The following OGFOD3 variants were observed in gnomAD, a reference collection of about 807,000 sequenced individuals.
The protein encoded by OGFOD3 is 2-oxoglutarate and iron-dependent oxygenase domain-containing protein 3.
Under a neutral mutation model 39.8 loss-of-function variants are expected in OGFOD3, and 35 were observed. The observed-to-expected ratio is 0.88, with a 90% CI of 0.67 to 1.17. OGFOD3 has a LOEUF of 1.17. Ranked by LOEUF, OGFOD3 falls within the 50% of genes most tolerant of loss-of-function variation. The pLI, the probability that OGFOD3 is intolerant of heterozygous loss-of-function variation, is 0.00. For synonymous variants in OGFOD3, 200 were observed against 192.0 expected (o/e 1.04, Z -0.34); for missense variants, 438 against 454.5 (o/e 0.96, Z 0.33).
At chr17:82,416,179 T>A (rs2053031361) in intron 1 of OGFOD3, among the ~76,000 whole-genome samples, 1 of 152,182 alleles carries the variant, frequency 6.6e-6, no homozygotes, top group Admixed American at 6.5e-5. Flanking sequence ...GAGGTTGCAG[T>A]GACCCAAGAT....
At chr17:82,412,700 C>T (rs1380837014) in intron 2 of OGFOD3, among the ~76,000 whole-genome samples, 3 of 152,090 alleles carry the variant, frequency 2.0e-5, no homozygotes, top group East Asian at 1.9e-4. Context: ...CGGAGAGGGG[C>T]CCAGGGACCC....
At chr17:82,403,828 TC>T in intron 7 of OGFOD3, 108 bp downstream of exon 7, 1 of 1,455,166 alleles carries the variant, frequency 6.9e-7, no homozygotes, top group Non-Finnish European at 9.3e-7. Context: ...ACGGGCACGC[TC>T]ACCTTGTCCA....
At chr17:82,410,211 G>A (rs376128104) in intron 3 of OGFOD3, among the ~76,000 whole-genome samples, 44 of 152,298 alleles carry the variant, frequency 2.9e-4, no homozygotes, top group African/African-American at 9.1e-4. Context: ...GGGACACGCC[G>A]GTGCCTCAGT....
At chr17:82,403,506 C>G (rs955159156) in intron 7 of OGFOD3, among the ~76,000 whole-genome samples, 1 of 152,160 alleles carries the variant, frequency 6.6e-6, no homozygotes, top group Admixed American at 6.5e-5. Flanking sequence ...GTGGGGCATG[C>G]CTGTAGTCCC....
At chr17:82,416,328 A>C (rs528555487) in intron 1 of OGFOD3, among the ~76,000 whole-genome samples, 1 of 152,374 alleles carries the variant, frequency 6.6e-6, no homozygotes, top group South Asian at 2.1e-4. Flanking sequence ...TTTGCTTAGC[A>C]AAATGGGACA....
intron 4 of OGFOD3, among the ~76,000 whole-genome samples, chr17:82,407,880 C>T (rs976780539): frequency 2.0e-5 from 3 of 152,196 alleles, no homozygotes; most frequent in African/African-American, 7.2e-5. Flanking sequence ...CGGTGGTTCA[C>T]ACCTGTAATC....
Position 82,392,425 on chromosome 17 carries a change from A to G in OGFOD3, c.933T>C (p.His311=). 1.9e-6 allele frequency: 3 copies of G among 1,612,520 alleles called. No homozygotes were observed. Among genetic ancestry groups the G allele is most frequent in the Middle Eastern group, 1.8e-4 (1 of 5,704 alleles). The change falls in exon 9 of 9, where the codon CAT becomes CAC. Residue 311 remains histidine (H), a synonymous_variant. Transcript: ENST00000313056. This position sits in a 1 kb window ranked among gnomAD's most constrained non-coding sequence, Gnocchi z 4.2. The stretch of plus-strand genomic sequence containing the variant: ...ACGGGAACGCTGGGTCCTCGATGCC[A>G]TGGTCGGGGTTGCAGCTGAAGGCGA... The part of the protein sequence containing the change: ...ITIAFSCNPD[H]GIEDPAFP
chr17:82,409,042 C>T (rs957634433), intron 4 of OGFOD3, among the ~76,000 whole-genome samples: 22 of 152,212 alleles, frequency 1.4e-4, no homozygotes, highest in Admixed American at 4.6e-4. Flanking sequence ...GCCGTCTCCT[C>T]GCTGGGCTCC....
intron 8 of OGFOD3, among the ~76,000 whole-genome samples, chr17:82,395,193 G>A (rs1410456464): frequency 1.3e-5 from 2 of 152,050 alleles, no homozygotes; most frequent in Admixed American, 6.6e-5. Flanking sequence ...CACCACACCC[G>A]GCTGCTTTTT....
At position 82,406,395 on chromosome 17, in the gene OGFOD3, T is replaced by C. The variant is rs1263582518; in HGVS notation, c.488+23A>G. 6.2e-7 allele frequency: 1 copy of C among 1,611,684 alleles called. No individual in the cohort carries two copies. Among genetic ancestry groups the C allele is most frequent in the African/African-American group, 1.3e-5 (1 of 74,886 alleles). ...CTCACTCGGCTTTCAGAGCCAGCAC[T>C]GAGGTCATGCTGCAGCACTCACCTG... On this transcript the variant is annotated intron_variant, in intron 5 of 8. Coordinates refer to ENST00000313056, the MANE Select transcript of OGFOD3 (RefSeq NM_024648.3). This position sits in a 1 kb window ranked among gnomAD's most constrained non-coding sequence, Gnocchi z 5.2.
In OGFOD3 at chr17:82,390,551, GGGTTCC is replaced by G. The variant is rs1185289561; in HGVS notation, c.*1841_*1846del. On this transcript the variant is annotated 3_prime_UTR_variant, in exon 9 of 9. Transcript: ENST00000313056. This position sits in a 1 kb window ranked among gnomAD's most constrained non-coding sequence, Gnocchi z 4.9. ...GCCATGGGAGGGCGCGGGAGCCTCAGGGTTCCTGCCCCATCTGCCCAGAGCCTGCAG... is the reference window on the plus strand; with the variant it reads ...GCCATGGGAGGGCGCGGGAGCCTCAGTGCCCCATCTGCCCAGAGCCTGCAG... 6.5e-6 allele frequency: 1 copy of G among 154,904 alleles called. No individual in the cohort carries two copies. The highest frequency in any genetic ancestry group is 1.4e-5 in the Non-Finnish European group (1 of 69,748). 9.6% of individuals were successfully genotyped at this position (154,904 alleles called of 1,614,324 possible).
intron 8 of OGFOD3, among the ~76,000 whole-genome samples, chr17:82,397,846 T>C (rs2052700313): frequency 6.6e-6 from 1 of 151,976 alleles, no homozygotes; most frequent in Admixed American, 6.6e-5. Context: ...GCGAGTCTCT[T>C]TGAGAAGGGT....
Position 82,392,448 on chromosome 17 carries a change from C to T in OGFOD3, c.910G>A (p.Ala304Thr), listed in dbSNP as rs544997141. The change falls in exon 9 of 9, where the codon GCC (alanine) becomes ACC (threonine). Residue 304 changes from alanine to threonine, a missense_variant. By Grantham distance (58) the Ala-to-Thr change is moderately conservative (BLOSUM62 0). Coordinates refer to ENST00000313056, the MANE Select transcript of OGFOD3 (RefSeq NM_024648.3). This position sits in a 1 kb window ranked among gnomAD's most constrained non-coding sequence, Gnocchi z 4.2. ...CCATGGTCGGGGTTGCAGCTGAAGG[C>T]GATGGTGATGGCGTAACGGGTGCCC... ...HWGTRYAITI[A>T]FSCNPDHGIE... 2.0e-5 allele frequency: 32 copies of T among 1,612,780 alleles called. No individual in the cohort carries two copies. In the Admixed American group the frequency reaches 3.8e-4, roughly 19 times the overall value.
intron 3 of OGFOD3, 42 bp from the exon 4 acceptor site, chr17:82,409,452 T>A (rs928665409): frequency 6.3e-7 from 1 of 1,591,346 alleles, no homozygotes; most frequent in African/African-American, 1.3e-5. Context: ...GCTAGAATTG[T>A]CTATAATGTA....
In OGFOD3 at chr17:82,392,242, C is replaced by T; in HGVS notation, c.*156G>A. On this transcript the variant is annotated 3_prime_UTR_variant, in exon 9 of 9. Coordinates refer to ENST00000313056, the MANE Select transcript of OGFOD3 (RefSeq NM_024648.3). The surrounding 1 kb of genome is among the most constrained non-coding windows in gnomAD (Gnocchi z 4.2). ...GTGAAAAGCTGGTTCCCTTCATTTACTCACAGATGAAAAGATTAACACGTC... is the reference window on the plus strand; with the variant it reads ...GTGAAAAGCTGGTTCCCTTCATTTATTCACAGATGAAAAGATTAACACGTC... 1.2e-6 allele frequency: 1 copy of T among 833,864 alleles called. No homozygotes were observed. The highest frequency in any genetic ancestry group is 1.8e-6 in the Non-Finnish European group (1 of 546,022). 51.7% of individuals were successfully genotyped at this position (833,864 alleles called of 1,614,324 possible).
At chr17:82,402,571 AC>A (rs1368869568) in intron 7 of OGFOD3, among the ~76,000 whole-genome samples, 1 of 150,870 alleles carries the variant, frequency 6.6e-6, no homozygotes, top group African/African-American at 2.4e-5. Context: ...ATACAATGAA[AC>A]CCCATCTCTA....
rs2143330849 is a variant in OGFOD3 at position 82,418,454 on chromosome 17, G to A, written c.32C>T (p.Ala11Val). 2 of 1,475,732 alleles carry A rather than the reference G, an allele frequency of 1.4e-6. No individual in the cohort carries two copies. The highest frequency in any genetic ancestry group is 1.8e-6 in the Non-Finnish European group (2 of 1,119,248). The allele number at this position is 1,475,732 out of a possible 1,614,324, so 91.4% of individuals were successfully genotyped here. The change falls in exon 1 of 9, where the codon GCG becomes GTG. Residue 11 changes from alanine to valine, a missense_variant. Transcript: ENST00000313056. ...CTCGGCCGCTCCGTTGCCCTCGGGC[G>A]CCTTGGTTGCGGCCCTCCGCTGAGG... MAPQRRAATK[A>V]PEGNGAAERR...
Position 82,391,657 on chromosome 17 carries a change from G to A in OGFOD3, c.*741C>T, listed in dbSNP as rs2052597847. On this transcript the variant is annotated 3_prime_UTR_variant, in exon 9 of 9. Coordinates refer to ENST00000313056, the MANE Select transcript of OGFOD3 (RefSeq NM_024648.3). This position sits in a 1 kb window ranked among gnomAD's most constrained non-coding sequence, Gnocchi z 5.1. ...TTAATGCCAGGGCAAAGGGGGAGGA[G>A]GAGACCTACCCTCGACCCAGCAGAA... is the stretch of plus-strand genomic sequence containing the variant. 1 of 152,498 alleles carries A rather than the reference G, an allele frequency of 6.6e-6. No homozygotes were observed. Among genetic ancestry groups the A allele is most frequent in the African/African-American group, 2.4e-5 (1 of 41,456 alleles). 9.4% of individuals were successfully genotyped at this position (152,498 alleles called of 1,614,324 possible).
At chr17:82,416,883 C>T (rs573264097) in intron 1 of OGFOD3, among the ~76,000 whole-genome samples, 2 of 152,166 alleles carry the variant, frequency 1.3e-5, no homozygotes, top group African/African-American at 4.8e-5. Flanking sequence ...CCACGTTGGT[C>T]AGGCTGGTCT....
Sources: allele counts gnomAD v4.1 joint callset (sites outside exome capture counted in the v4.1 genomes callset), GRCh38; gene constraint gnomAD v4.1.1; non-coding constraint Gnocchi (gnomAD v3.1); transcripts MANE v1.5; gene names NCBI Gene and HGNC (gene_info 2026-07-23, HGNC 2026-07-21).